KRT86: variants seen among roughly 807,000 people sequenced by gnomAD.
KRT86 encodes keratin 86, also known as keratin, type II cuticular Hb6.
KRT86 carries 30 observed loss-of-function variants against 41.2 expected under a neutral mutation model. That is an observed-to-expected ratio of 0.73 (90% confidence interval 0.54 to 0.99). The LOEUF is 0.99. KRT86 is among the 50% of genes least tolerant of loss of function. KRT86 has a pLI of 0.00. For synonymous variants in KRT86, 238 were observed against 238.1 expected, an observed-to-expected ratio of 1.00 and a Z score of 0.00; for missense variants, 561 against 571.4, an observed-to-expected ratio of 0.98 and a Z score of 0.19.
chr12:52,288,065 G>T (rs146187254), intron 2 of KRT86: 11 of 1,614,212 alleles, frequency 6.8e-6, no homozygotes. Context: ...CGGCAATGAT[G>T]CAGTCCATGT....
intron 2 of KRT86, chr12:52,277,510 C>T (rs1454782283): frequency 1.3e-5 from 2 of 152,256 alleles, no homozygotes; most frequent in African/African-American, 4.8e-5. Context: ...GCTCCCTACG[C>T]CCTGTGAACT....
intron 2 of KRT86, among the ~76,000 whole-genome samples, chr12:52,292,124 G>A (rs542251114): frequency 5.9e-5 from 9 of 152,202 alleles, no homozygotes; most frequent in Admixed American, 3.9e-4. Context: ...TTTTTATGAT[G>A]AAAGCTTTCA....
At chr12:52,293,658 GGGT>G (rs1938187237) in intron 2 of KRT86, among the ~76,000 whole-genome samples, 1 of 152,232 alleles carries the variant, frequency 6.6e-6, no homozygotes, top group South Asian at 2.1e-4. Context: ...TTGAAGGACG[GGGT>G]GGAAAACATC....
chr12:52,286,144 T>G, intron 2 of KRT86: 1 of 890,440 alleles, frequency 1.1e-6, no homozygotes, highest in Non-Finnish European at 1.8e-6. Context: ...GGAGGGGTCT[T>G]TCAAAGTGCA....
chr12:52,298,689 G>A (rs11170080), intron 2 of KRT86, among the ~76,000 whole-genome samples: 35,568 of 152,190 alleles, frequency 0.23, 4,425 homozygotes, highest in African/African-American at 0.32. Flanking sequence ...AATTGCCTGA[G>A]TTTACACAGC....
chr12:52,285,204 C>A (rs1937886066), intron 2 of KRT86, among the ~76,000 whole-genome samples: 1 of 152,192 alleles, frequency 6.6e-6, no homozygotes, highest in African/African-American at 2.4e-5. Context: ...CCAACCCACT[C>A]ACCTAGGAAG....
In KRT86 at chr12:52,302,057, C is replaced by T; in HGVS notation, c.141C>T (p.Ser47=). ...GCGGCCTCACCGGGGGCTTCGGCAGCCACAGCGTGTGCGGAGGCTTTCGGG... is the reference window on the plus strand; with the variant it reads ...GCGGCCTCACCGGGGGCTTCGGCAGTCACAGCGTGTGCGGAGGCTTTCGGG... ...CYRGLTGGFG[S]HSVCGGFRAG... Residue 47 remains serine, a synonymous_variant, in exon 3 of 11, where the codon AGC becomes AGT. Transcript: ENST00000423955. The T allele has an allele frequency of 1.2e-6, 2 of 1,607,018 alleles. No individual in the cohort carries two copies. Among genetic ancestry groups the T allele is most frequent in the Non-Finnish European group, 1.7e-6 (2 of 1,177,228 alleles).
intron 2 of KRT86, chr12:52,279,043 G>T (rs545481670): frequency 6.6e-6 from 1 of 152,374 alleles, no homozygotes; most frequent in South Asian, 2.1e-4. Context: ...CTTGGGGTGG[G>T]GGGAGGAAGG....
intron 2 of KRT86, among the ~76,000 whole-genome samples, chr12:52,281,961 A>G (rs536048280): frequency 6.6e-6 from 1 of 152,024 alleles, no homozygotes; most frequent in South Asian, 2.1e-4. Context: ...GGCTGGTCTC[A>G]AACTCTTGGC....
intron 2 of KRT86, chr12:52,287,862 A>T: frequency 6.2e-7 from 1 of 1,601,954 alleles, no homozygotes; most frequent in Non-Finnish European, 8.5e-7. Flanking sequence ...CCAACCTCAG[A>T]TTGGCAGCCC....
intron 2 of KRT86, among the ~76,000 whole-genome samples, chr12:52,285,737 A>G (rs1351727349): frequency 6.6e-6 from 1 of 152,190 alleles, no homozygotes; most frequent in Non-Finnish European, 1.5e-5. Flanking sequence ...GGATAAAGTT[A>G]CATCAAATAG....
chr12:52,286,679 T>A, intron 2 of KRT86: 1 of 1,289,918 alleles, frequency 7.8e-7, no homozygotes, highest in Admixed American at 1.9e-5. Flanking sequence ...CCTCCTGTTG[T>A]GATGCCAGCC....
At chr12:52,299,329 C>T (rs555388365) in intron 2 of KRT86, among the ~76,000 whole-genome samples, 144 of 152,270 alleles carry the variant, frequency 9.5e-4, no homozygotes, top group African/African-American at 3.2e-3. Flanking sequence ...CTGTAACATA[C>T]TTTCTTTATT....
intron 2 of KRT86, among the ~76,000 whole-genome samples, chr12:52,291,739 GT>G (rs957506523): frequency 1.4e-5 from 2 of 144,332 alleles, no homozygotes; most frequent in Non-Finnish European, 2.9e-5. Flanking sequence ...GAGTCAGCAT[GT>G]TTCATCTTCA....
chr12:52,275,994 G>A, intron 2 of KRT86, 48 bp downstream of exon 2: 1 of 985,844 alleles, frequency 1.0e-6, no homozygotes, highest in African/African-American at 1.7e-5. Context: ...GTGGGATGGT[G>A]ACCATTATTT....
chr12:52,296,051 T>C (rs1938242235), intron 2 of KRT86, among the ~76,000 whole-genome samples: 1 of 151,946 alleles, frequency 6.6e-6, no homozygotes, highest in African/African-American at 2.4e-5. Context: ...TTGAAGGCCT[T>C]GGGGCAGAGT....
At position 52,283,405 on chromosome 12, in the gene KRT86, A is replaced by AT. The variant is rs1276625156; in HGVS notation, c.-5+7459_-5+7460insT. 1.1e-3 allele frequency among the ~76,000 whole-genome samples: 152 copies of AT among 137,022 alleles called. 2 individuals carry two copies. Among genetic ancestry groups the AT allele is most frequent in the Middle Eastern group, 3.8e-3 (1 of 264 alleles). The allele number at this position is 137,022 out of a possible 152,430, so 89.9% of individuals were successfully genotyped here. On this transcript the variant is annotated intron_variant, in intron 2 of 10. Transcript: ENST00000423955. ...GAAACTGTCTCACAAAAAAAAAAAA[A>AT]AAAAAAAAAAAGAATAATAGAGCTT... is the stretch of plus-strand genomic sequence containing the variant.
intron 2 of KRT86, among the ~76,000 whole-genome samples, chr12:52,284,038 G>A (rs1167820810): frequency 6.6e-6 from 1 of 152,144 alleles, no homozygotes. Flanking sequence ...AAATACGGCA[G>A]GTCACTAAGG....
At chr12:52,279,491 C>A (rs940614795) in intron 2 of KRT86, among the ~76,000 whole-genome samples, 1 of 152,156 alleles carries the variant, frequency 6.6e-6, no homozygotes, top group Non-Finnish European at 1.5e-5. Context: ...CTGAACTGTT[C>A]CCACCCCTTC....
Sources: gnomAD v4.1 joint callset for allele counts (sites outside exome capture counted in the v4.1 genomes callset) on GRCh38, gnomAD v4.1.1 for gene constraint, MANE v1.5 for transcripts, NCBI Gene and HGNC (gene_info 2026-07-23, HGNC 2026-07-21) for gene names.